PDK2: variants seen among roughly 807,000 people sequenced by gnomAD.
PDK2 encodes pyruvate dehydrogenase kinase, isozyme 2.
In PDK2, 34 loss-of-function variants were observed where a neutral mutation model predicts 50.4. That is an observed-to-expected ratio of 0.68 (90% CI 0.51 to 0.90). The LOEUF (loss-of-function observed/expected upper bound fraction) is 0.90. Among genes scored for constraint, PDK2 ranks in the 40% least tolerant of loss-of-function variants. The pLI, the probability that PDK2 is intolerant of heterozygous loss-of-function variation, is 0.00. For missense variants in PDK2, 377 were observed against 544.5 expected, an observed-to-expected ratio of 0.69 and a Z score of 3.06; for synonymous variants, 232 against 216.0, an observed-to-expected ratio of 1.07 and a Z score of -0.65.
At chr17:50,104,107 C>G (rs201736595) in intron 2 of PDK2, among the ~76,000 whole-genome samples, 1 of 152,160 alleles carries the variant, frequency 6.6e-6, no homozygotes, top group African/African-American at 2.4e-5. Flanking sequence ...CCCAAAGGAA[C>G]AAGCCACAGA....
intron 2 of PDK2, among the ~76,000 whole-genome samples, chr17:50,102,285 G>A (rs1476162855): frequency 3.9e-5 from 6 of 152,310 alleles, no homozygotes; most frequent in South Asian, 4.1e-4. Context: ...GCTGGCAGGC[G>A]CTGCCCGCTG....
In PDK2 at chr17:50,095,391, G is replaced by A; in HGVS notation, c.-45G>A. On this transcript the variant is annotated 5_prime_UTR_variant, in exon 1 of 11. Coordinates refer to ENST00000503176, the MANE Select transcript of PDK2 (RefSeq NM_002611.5). ...TCGCTGGGCCGAAAGGTGCGCGAGC[G>A]CTGCCCGCGCGGGGACCACAACCAA... 1 of 1,416,020 alleles carries A rather than the reference G, an allele frequency of 7.1e-7. No individual in the cohort carries two copies. Among genetic ancestry groups the A allele is most frequent in the Middle Eastern group, 2.0e-4 (1 of 4,978 alleles). 87.7% of individuals were successfully genotyped at this position (1,416,020 alleles called of 1,614,324 possible). A position where few individuals can be genotyped will look rare whatever the true frequency, so the allele number is the denominator to read the frequency against.
intron 2 of PDK2, among the ~76,000 whole-genome samples, chr17:50,102,832 A>C (rs1327670933): frequency 6.6e-6 from 1 of 152,156 alleles, no homozygotes; most frequent in African/African-American, 2.4e-5. Context: ...ATTGGTACCC[A>C]GTAAATGCCA....
chr17:50,096,990 G>A lies in PDK2; in HGVS notation c.119-433G>A, dbSNP rs547220776. On this transcript the variant is annotated intron_variant, in intron 1 of 10. Coordinates refer to ENST00000503176, the MANE Select transcript of PDK2 (RefSeq NM_002611.5). ...GGTGGGCTGGCCAGAGACAACACTG[G>A]GAGCCTGCAGTGGTGGTCTAGCCAT... 1.7e-4 allele frequency among the ~76,000 whole-genome samples: 26 copies of A among 152,330 alleles called. No homozygotes were observed. In the South Asian group the frequency reaches 2.9e-3, roughly 17 times the overall value.
At chr17:50,094,760 T>C (rs2144337029), upstream of PDK2, 1 of 152,338 alleles carries the variant, frequency 6.6e-6, no homozygotes, top group Middle Eastern at 3.4e-3. Context: ...GCTTGGATCT[T>C]TGTGGAAGCG....
At chr17:50,095,731 G>T (rs1324778151) in intron 1 of PDK2, 178 bp downstream of exon 1, 7 of 1,424,332 alleles carry the variant, frequency 4.9e-6, no homozygotes, top group Non-Finnish European at 6.4e-6. Flanking sequence ...GCCTCTCGAC[G>T]GGGCTGCTGA....
Position 50,110,772 on chromosome 17 carries a change from C to T in PDK2, c.*675C>T, listed in dbSNP as rs1910785988. The T allele has an allele frequency of 6.6e-6, 1 of 152,234 alleles. No homozygotes were observed. The highest frequency in any genetic ancestry group is 1.5e-5 in the Non-Finnish European group (1 of 68,080). 9.4% of individuals were successfully genotyped at this position (152,234 alleles called of 1,614,324 possible). A position where few individuals can be genotyped will look rare whatever the true frequency, so the allele number is the denominator to read the frequency against. On this transcript the variant is annotated 3_prime_UTR_variant, in exon 11 of 11. Transcript: ENST00000503176. Reference sequence around the variant, plus strand: ...GCAGTGGCCTTGGCAATGTCTGTGCCACCTCCTGAGCCCTCCCAGCATGTC... The same window carrying T: ...GCAGTGGCCTTGGCAATGTCTGTGCTACCTCCTGAGCCCTCCCAGCATGTC...
At chr17:50,096,716 A>G (rs1337418487) in intron 1 of PDK2, among the ~76,000 whole-genome samples, 2 of 152,148 alleles carry the variant, frequency 1.3e-5, no homozygotes, top group Non-Finnish European at 2.9e-5. Context: ...TTGTAGTACT[A>G]TGGGGGAAAC....
At chr17:50,094,867 G>A (rs1458863736), upstream of PDK2, 1 of 149,592 alleles carries the variant, frequency 6.7e-6, no homozygotes, top group African/African-American at 2.5e-5. Flanking sequence ...CATCCGGACT[G>A]GGAATCCCCA....
chr17:50,095,126 A>C (rs1003324438), upstream of PDK2: 3 of 310,616 alleles, frequency 9.7e-6, no homozygotes, highest in East Asian at 5.9e-5. Context: ...GAAAGGGAGG[A>C]GTGAACACAG....
rs1360317108 is a variant in PDK2, at chr17:50,097,478, T to C, written c.174T>C (p.Pro58=). The C allele has an allele frequency of 6.2e-7, 1 of 1,613,998 alleles. No individual in the cohort carries two copies. Among genetic ancestry groups the C allele is most frequent in the Admixed American group, 1.7e-5 (1 of 60,026 alleles). Residue 58 remains proline (P), a synonymous_variant, in exon 2 of 11, where the codon CCT becomes CCC. Transcript: ENST00000503176. ...TCACCTTCCTCAGGCAGGAGCTGCC[T>C]GTGCGCCTGGCCAACATCATGAAAG... ...TSFTFLRQEL[P]VRLANIMKEI...
chr17:50,108,713 G>A lies in PDK2; in HGVS notation c.963G>A (p.Thr321=), dbSNP rs748002452. 1.7e-5 allele frequency: 27 copies of A among 1,605,552 alleles called. No homozygotes were observed. The highest frequency in any genetic ancestry group is 8.0e-5 in the African/African-American group (6 of 74,558). ...CCCCCCAGCCTGGCACCGGGGGAAC[G>A]CCGCTGGTGAGATGGCTTCACCCCA... The part of the protein sequence containing the change: ...APTPQPGTGG[T]PLAGFGYGLP... The change falls in exon 9 of 11, where the codon ACG becomes ACA. Residue 321 remains threonine (T), a synonymous_variant. Transcript: ENST00000503176.
At chr17:50,095,341 G>A (rs1909871404), upstream of PDK2, 11 of 843,840 alleles carry the variant, frequency 1.3e-5, no homozygotes, top group Admixed American at 2.5e-5. Context: ...CAGGGCAAGG[G>A]TAGGGAGGAG....
At position 50,110,198 on chromosome 17, in the gene PDK2, C is replaced by T; in HGVS notation, c.*101C>T. On this transcript the variant is annotated 3_prime_UTR_variant, in exon 11 of 11. Transcript: ENST00000503176. ...CTCCTGGGGGAGCAGGGGGTGGGTT[C>T]TCCCTGATGACCAGGTTCTGTCTCT... The T allele has an allele frequency of 1.5e-6, 2 of 1,301,692 alleles. No individual in the cohort carries two copies. The highest frequency in any genetic ancestry group is 2.6e-5 in the East Asian group (1 of 38,816). 80.6% of individuals were successfully genotyped at this position (1,301,692 alleles called of 1,614,324 possible).
chr17:50,108,435 C>T lies in PDK2; in HGVS notation c.861+18C>T. 2 of 1,595,674 alleles carry T rather than the reference C, an allele frequency of 1.3e-6. No individual in the cohort carries two copies. The highest frequency in any genetic ancestry group is 1.7e-6 in the Non-Finnish European group (2 of 1,163,562). ...CCATCAAGGTATGTGACCCTTTGACCTTGGGGACCAGGGAGCAGTAGTGGG... is the reference window on the plus strand; with the variant it reads ...CCATCAAGGTATGTGACCCTTTGACTTTGGGGACCAGGGAGCAGTAGTGGG... On this transcript the variant is annotated intron_variant, in intron 8 of 10. Transcript: ENST00000503176.
chr17:50,095,860 T>G, intron 1 of PDK2: 1 of 986,518 alleles, frequency 1.0e-6, no homozygotes, highest in Non-Finnish European at 1.3e-6. Flanking sequence ...AGTAGGGTGG[T>G]ATCCAGACGC....
Position 50,107,103 on chromosome 17 carries a change from G to A in PDK2, c.635G>A (p.Cys212Tyr), listed in dbSNP as rs1472283696. 6.2e-7 allele frequency: 1 copy of A among 1,614,024 alleles called. No homozygotes were observed. Among genetic ancestry groups the A allele is most frequent in the Admixed American group, 1.7e-5 (1 of 60,006 alleles). The change falls in exon 6 of 11, where the codon TGT becomes TAT. Residue 212 changes from cysteine (C) to tyrosine (Y), a missense_variant. By Grantham distance (194) the Cys-to-Tyr change is radical (BLOSUM62 -2). Around this residue, in one of 3 missense-constraint regions of PDK2, gnomAD observed 214 missense variants for 294.0 expected, o/e 0.73. Coordinates refer to ENST00000503176, the MANE Select transcript of PDK2 (RefSeq NM_002611.5). ...GCCTACGACATGGCTAAGCTCCTGT[G>A]TGACAAGTATTACATGGCCTCACCT... Reference protein sequence around the residue: ...KDAYDMAKLLCDKYYMASPDL... With the variant: ...KDAYDMAKLLYDKYYMASPDL...
chr17:50,100,080 A>C (rs1910145203), intron 2 of PDK2, among the ~76,000 whole-genome samples: 2 of 152,302 alleles, frequency 1.3e-5, no homozygotes, highest in African/African-American at 4.8e-5. Context: ...AGACTTTACC[A>C]GGGAGCTTGG....
At chr17:50,106,111 G>A (rs561214478) in intron 4 of PDK2, 42 bp downstream of exon 4, 3 of 1,556,330 alleles carry the variant, frequency 1.9e-6, no homozygotes, top group East Asian at 2.4e-5. Flanking sequence ...CGGTGGGGGG[G>A]GCGGTGCTGG....
Sources: gnomAD v4.1 joint callset for allele counts (sites outside exome capture counted in the v4.1 genomes callset) on GRCh38, gnomAD v4.1.1 for gene constraint, gnomAD v4.1.1 regional missense constraint, MANE v1.5 for transcripts, NCBI Gene and HGNC (gene_info 2026-07-23, HGNC 2026-07-21) for gene names.